The following GNAO1 variants were observed in gnomAD, a reference collection of about 807,000 sequenced individuals.
GNAO1 encodes the protein G protein subunit alpha o1, also known as guanine nucleotide-binding protein G(o) subunit alpha.
For missense variants in GNAO1, 166 were observed against 478.7 expected (o/e 0.35, Z 6.10); for synonymous variants, 164 against 180.7 (o/e 0.91, Z 0.74).
At chr16:56,336,548 G>A in intron 5 of GNAO1, 183 bp from the exon 6 acceptor site, 1 of 572,326 alleles carries the variant, frequency 1.7e-6, no homozygotes. Flanking sequence ...GTAGTGCCTG[G>A]GGATGGCAGT....
intron 2 of GNAO1, among the ~76,000 whole-genome samples, chr16:56,264,633 G>T (rs1214796419): frequency 1.3e-5 from 2 of 151,922 alleles, no homozygotes; most frequent in Non-Finnish European, 2.9e-5. Context: ...TCCTCTGGGG[G>T]ACTGATTTTG....
intron 3 of GNAO1, among the ~76,000 whole-genome samples, chr16:56,328,421 C>T (rs1487912167): frequency 6.6e-6 from 1 of 152,190 alleles, no homozygotes. Flanking sequence ...TTTAGGACAT[C>T]CATGTGGTAG....
chr16:56,336,936 T>A (rs1390096376), intron 6 of GNAO1, 76 bp downstream of exon 6: 37 of 1,432,006 alleles, frequency 2.6e-5, no homozygotes, highest in Admixed American at 4.1e-5. Context: ...CTCTGAGCAC[T>A]GGGCCTCGGG....
chr16:56,327,545 G>T (rs1427765755), intron 3 of GNAO1, among the ~76,000 whole-genome samples: 1 of 152,158 alleles, frequency 6.6e-6, no homozygotes, highest in Non-Finnish European at 1.5e-5. Context: ...CTACTCCCGT[G>T]TGCAAGGTGG....
At chr16:56,208,004 TG>T (rs2036346414) in intron 2 of GNAO1, among the ~76,000 whole-genome samples, 1 of 152,212 alleles carries the variant, frequency 6.6e-6, no homozygotes, top group Non-Finnish European at 1.5e-5. Context: ...TTAACTTTCG[TG>T]GTAAGTTTCA....
At chr16:56,330,129 C>G (rs754001403) in intron 4 of GNAO1, among the ~76,000 whole-genome samples, 1 of 152,252 alleles carries the variant, frequency 6.6e-6, no homozygotes, top group Non-Finnish European at 1.5e-5. Flanking sequence ...AGGGCAAATG[C>G]CGAAGTCCTG....
chr16:56,230,123 T>TA lies in GNAO1; in HGVS notation c.161+37519dup, dbSNP rs150588038. 3.4e-3 allele frequency among the ~76,000 whole-genome samples: 509 copies of TA among 148,564 alleles called. 1 individual carries two copies. The highest frequency in any genetic ancestry group is 5.1e-3 in the Non-Finnish European group (343 of 66,750). ...TTTGGTCACTTATGTTCCATAACTT[T>TA]AAAAAAAAAAAATGTCAATGAAAGC... On this transcript the variant is annotated intron_variant, in intron 2 of 8. Transcript: ENST00000262493.
rs1368500339 is a variant in GNAO1 at position 56,191,884 on chromosome 16, C to CT, written c.-351dup. 1.8e-5 allele frequency: 4 copies of CT among 223,606 alleles called. No homozygotes were observed. The highest frequency in any genetic ancestry group is 9.2e-5 in the African/African-American group (4 of 43,356). 13.9% of individuals were successfully genotyped at this position (223,606 alleles called of 1,614,324 possible). On this transcript the variant is annotated 5_prime_UTR_variant, in exon 1 of 9. Transcript: ENST00000262493. The surrounding 1 kb of genome is among the most constrained non-coding windows in gnomAD (Gnocchi z 4.7). ...GCTCCGGCTGCGGCTCCAGCCTCGA[C>CT]TATTATTTTATTTATTTTGGGTCGT...
chr16:56,333,044 G>A (rs2037705384), intron 4 of GNAO1, among the ~76,000 whole-genome samples: 1 of 152,180 alleles, frequency 6.6e-6, no homozygotes, highest in East Asian at 1.9e-4. Flanking sequence ...TCCCCACACC[G>A]TTCCTGTCCA....
At chr16:56,298,863 T>C in intron 3 of GNAO1, among the ~76,000 whole-genome samples, 1 of 147,678 alleles carries the variant, frequency 6.8e-6, no homozygotes, top group Non-Finnish European at 1.5e-5. Context: ...TGCAGTGAGC[T>C]GAGATCATGC....
At chr16:56,353,126 C>A (rs1318578211) in intron 7 of GNAO1, 3 of 152,296 alleles carry the variant, frequency 2.0e-5, no homozygotes, top group African/African-American at 7.2e-5. Context: ...GGGCACAGGA[C>A]AAGCCCTGAA....
At chr16:56,285,720 A>T (rs547651289) in intron 3 of GNAO1, among the ~76,000 whole-genome samples, 5 of 152,376 alleles carry the variant, frequency 3.3e-5, no homozygotes, top group Non-Finnish European at 5.9e-5. Context: ...GCAATGGAAT[A>T]TAATTGTGCT....
At chr16:56,267,797 G>T (rs1253456634) in intron 2 of GNAO1, among the ~76,000 whole-genome samples, 1 of 152,148 alleles carries the variant, frequency 6.6e-6, no homozygotes, top group Non-Finnish European at 1.5e-5. Flanking sequence ...CCCAGCCCAT[G>T]ATATGGTGGC....
intron 3 of GNAO1, among the ~76,000 whole-genome samples, chr16:56,309,605 C>G (rs545962636): frequency 2.0e-4 from 30 of 152,370 alleles, no homozygotes; most frequent in African/African-American, 7.2e-4. Flanking sequence ...CCTGCAAGCA[C>G]TGTACATTCC....
intron 3 of GNAO1, among the ~76,000 whole-genome samples, chr16:56,282,384 A>G (rs974876644): frequency 6.6e-6 from 1 of 152,174 alleles, no homozygotes. Context: ...TTTGTCTAAA[A>G]TCATTATTTT....
intron 2 of GNAO1, among the ~76,000 whole-genome samples, chr16:56,238,094 A>G (rs1363911091): frequency 2.6e-5 from 4 of 152,088 alleles, no homozygotes; most frequent in Admixed American, 1.3e-4. Flanking sequence ...CATGGGTCCC[A>G]TCACAGATCC....
intron 3 of GNAO1, among the ~76,000 whole-genome samples, chr16:56,312,897 C>A (rs1288529495): frequency 1.3e-5 from 2 of 152,154 alleles, no homozygotes; most frequent in East Asian, 3.9e-4. Context: ...GTCTGAGAGC[C>A]TCAAAAAGAA....
chr16:56,332,461 C>G (rs1174088771), intron 4 of GNAO1, among the ~76,000 whole-genome samples: 1 of 152,240 alleles, frequency 6.6e-6, no homozygotes, highest in Admixed American at 6.5e-5. Context: ...GCAGCTCTCC[C>G]CCATCACTAA....
At chr16:56,247,837 T>C (rs1169187458) in intron 2 of GNAO1, among the ~76,000 whole-genome samples, 1 of 152,200 alleles carries the variant, frequency 6.6e-6, no homozygotes, top group Non-Finnish European at 1.5e-5. Context: ...CAGAAAGTTG[T>C]TTAACCTCTA....
Sources: allele counts gnomAD v4.1 joint callset (sites outside exome capture counted in the v4.1 genomes callset), GRCh38; gene constraint gnomAD v4.1.1; non-coding constraint Gnocchi (gnomAD v3.1); transcripts MANE v1.5; gene names NCBI Gene and HGNC (gene_info 2026-07-23, HGNC 2026-07-21).